The following HTR2C variants were observed in gnomAD, a reference collection of about 807,000 sequenced individuals.
HTR2C encodes 5-hydroxytryptamine (serotonin) receptor 2C, G protein-coupled.
Under a neutral mutation model 21.0 loss-of-function variants are expected in HTR2C, and 5 were observed. The ratio of observed to expected loss-of-function variants is 0.24; its 90% confidence interval spans 0.12 to 0.50. The LOEUF is 0.50. HTR2C is among the 20% of genes least tolerant of loss of function. HTR2C has a pLI of 0.98. For missense variants in HTR2C, 271 were observed against 371.2 expected, an observed-to-expected ratio of 0.73 and a Z score of 2.22; for synonymous variants, 150 against 145.3, an observed-to-expected ratio of 1.03 and a Z score of -0.23.
intron 2 of HTR2C, among the ~76,000 whole-genome samples, chrX:114,620,026 G>A (rs1556401327): frequency 1.8e-5 from 2 of 111,641 alleles, no homozygotes. Context: ...TTTGGTGATG[G>A]TTGGTCTGTG....
intron 1 of HTR2C, among the ~76,000 whole-genome samples, chrX:114,611,565 T>C (rs781923726): frequency 8.9e-6 from 1 of 112,632 alleles, no homozygotes; most frequent in Non-Finnish European, 1.9e-5. Flanking sequence ...AAGGTTAATG[T>C]GATCATGTGT....
intron 2 of HTR2C, among the ~76,000 whole-genome samples, chrX:114,659,465 C>CA (rs1227426108): frequency 9.0e-6 from 1 of 110,950 alleles, no homozygotes; most frequent in Admixed American, 9.6e-5. Flanking sequence ...CTTGCCCCTG[C>CA]AAAAAAGAAT....
intron 2 of HTR2C, among the ~76,000 whole-genome samples, chrX:114,693,668 C>A (rs1160941228): frequency 9.0e-6 from 1 of 111,155 alleles, no homozygotes; most frequent in African/African-American, 3.3e-5. Flanking sequence ...TTAATGACTC[C>A]AGACATCTTC....
At chrX:114,875,782 A>G (rs1251253831) in intron 5 of HTR2C, among the ~76,000 whole-genome samples, 1 of 110,304 alleles carries the variant, frequency 9.1e-6, no homozygotes, top group Non-Finnish European at 1.9e-5. Flanking sequence ...ATAGTACCAT[A>G]ATATTTTGAT....
chrX:114,724,677 C>G (rs184958757), intron 2 of HTR2C, among the ~76,000 whole-genome samples: 2 of 106,934 alleles, frequency 1.9e-5, no homozygotes, highest in Non-Finnish European at 3.9e-5. Context: ...CCATGTTTAG[C>G]CCTTCCTTCA....
intron 2 of HTR2C, among the ~76,000 whole-genome samples, chrX:114,663,014 A>T (rs1556410430): frequency 9.0e-6 from 1 of 111,632 alleles, no homozygotes; most frequent in East Asian, 2.8e-4. Flanking sequence ...TATTGTAAAC[A>T]GGTGTATTTT....
intron 4 of HTR2C, among the ~76,000 whole-genome samples, chrX:114,812,351 G>C (rs1556452971): frequency 9.0e-6 from 1 of 110,840 alleles, no homozygotes; most frequent in African/African-American, 3.3e-5. Flanking sequence ...CTTAACAAAC[G>C]AACATTATGA....
intron 4 of HTR2C, among the ~76,000 whole-genome samples, chrX:114,797,025 T>C (rs2070300234): frequency 1.8e-5 from 2 of 112,051 alleles, no homozygotes; most frequent in Non-Finnish European, 3.8e-5. Context: ...AAATAATTCA[T>C]GCTGGTAAGG....
At chrX:114,859,536 T>C (rs1260314576) in intron 5 of HTR2C, among the ~76,000 whole-genome samples, 2 of 111,479 alleles carry the variant, frequency 1.8e-5, no homozygotes, top group Admixed American at 9.6e-5. Context: ...ATATAATGTG[T>C]AGTGACTTCC....
intron 2 of HTR2C, among the ~76,000 whole-genome samples, chrX:114,644,401 ATATATATT>A (rs1930280386): frequency 2.6e-5 from 2 of 75,659 alleles, no homozygotes; most frequent in African/African-American, 9.8e-5. Flanking sequence ...ATATATATAT[ATATATATT>A]TCTGAGAAGT....
At chrX:114,834,451 T>A (rs2070760918) in intron 4 of HTR2C, among the ~76,000 whole-genome samples, 1 of 109,217 alleles carries the variant, frequency 9.2e-6, no homozygotes, top group South Asian at 4.0e-4. Context: ...TTTACCATTA[T>A]GTAATGGCCT....
intron 5 of HTR2C, among the ~76,000 whole-genome samples, chrX:114,901,423 G>A (rs191568450): frequency 1.4e-3 from 159 of 111,766 alleles, no homozygotes; most frequent in African/African-American, 4.7e-3. Flanking sequence ...CTTAATGAAT[G>A]ATAGTAGTAG....
At chrX:114,706,347 G>T (rs1932767735) in intron 2 of HTR2C, among the ~76,000 whole-genome samples, 1 of 79,287 alleles carries the variant, frequency 1.3e-5, no homozygotes, top group South Asian at 9.2e-4. Context: ...AGAAAATGTG[G>T]CACATATACA....
chrX:114,836,341 T>C (rs111809544), intron 4 of HTR2C, among the ~76,000 whole-genome samples: 2,277 of 112,147 alleles, frequency 0.02, 57 homozygotes, highest in African/African-American at 0.07. Flanking sequence ...CAGACTGCTG[T>C]GCTAGCAATC....
intron 2 of HTR2C, among the ~76,000 whole-genome samples, chrX:114,643,164 C>T (rs782076939): frequency 2.7e-5 from 3 of 110,658 alleles, no homozygotes; most frequent in Non-Finnish European, 5.7e-5. Context: ...AGTGAAGTTC[C>T]TAGATAAATG....
At chrX:114,652,003 A>G (rs1384956018) in intron 2 of HTR2C, among the ~76,000 whole-genome samples, 3 of 111,726 alleles carry the variant, frequency 2.7e-5, no homozygotes, top group Non-Finnish European at 3.8e-5. Flanking sequence ...TGAAATCTCC[A>G]TAGTATAATT....
At chrX:114,616,430 G>T (rs1202207037) in intron 2 of HTR2C, among the ~76,000 whole-genome samples, 2 of 110,011 alleles carry the variant, frequency 1.8e-5, no homozygotes, top group Non-Finnish European at 3.8e-5. Context: ...GGGATTACAG[G>T]TGCCCACCAC....
At chrX:114,704,507 C>G (rs1556417571) in intron 2 of HTR2C, among the ~76,000 whole-genome samples, 1 of 111,795 alleles carries the variant, frequency 8.9e-6, no homozygotes, top group Admixed American at 9.5e-5. Flanking sequence ...CAAAATTCAA[C>G]AACCTTCATG....
intron 5 of HTR2C, among the ~76,000 whole-genome samples, chrX:114,853,781 T>C (rs782218079): frequency 2.9e-4 from 32 of 111,959 alleles, no homozygotes; most frequent in Non-Finnish European, 4.9e-4. Context: ...TCCCTATTCA[T>C]TAGGCATTTT....
Sources: allele counts gnomAD v4.1 joint callset (sites outside exome capture counted in the v4.1 genomes callset), GRCh38; gene constraint gnomAD v4.1.1; transcripts MANE v1.5; gene names NCBI Gene and HGNC (gene_info 2026-07-23, HGNC 2026-07-21).